The following SLCO2B1 variants were observed in gnomAD, a reference collection of about 807,000 sequenced individuals.
The protein encoded by SLCO2B1 is solute carrier organic anion transporter family member 2B1, also known as OATP-RP2.
SLCO2B1 carries 41 observed loss-of-function variants against 67.3 expected under a neutral mutation model. The observed-to-expected ratio is 0.61, with a 90% CI of 0.47 to 0.79. SLCO2B1 has a LOEUF of 0.79. Among genes scored for constraint, SLCO2B1 ranks in the 30% least tolerant of loss-of-function variants. The pLI, the probability that SLCO2B1 is intolerant of heterozygous loss-of-function variation, is 0.00. For missense variants in SLCO2B1, 837 were observed against 920.1 expected (o/e 0.91, Z 1.17); for synonymous variants, 379 against 381.4 (o/e 0.99, Z 0.07).
chr11:75,151,712 A>G (rs1264377041), intron 1 of SLCO2B1: 7 of 463,134 alleles, frequency 1.5e-5, no homozygotes, highest in Admixed American at 7.3e-5. Context: ...CCCCTCTCAA[A>G]GGAGACAAAG....
intron 10 of SLCO2B1, 59 bp downstream of exon 10, chr11:75,196,738 G>A (rs1945102059): frequency 6.7e-7 from 1 of 1,503,528 alleles, no homozygotes; most frequent in South Asian, 1.2e-5. Flanking sequence ...CCCTGTCTCT[G>A]TGGGCCTGTC....
At chr11:75,155,876 T>C (rs888898871) in intron 1 of SLCO2B1, among the ~76,000 whole-genome samples, 1 of 152,002 alleles carries the variant, frequency 6.6e-6, no homozygotes, top group Non-Finnish European at 1.5e-5. Flanking sequence ...ATTTGGGGAA[T>C]GGCAAGAATC....
intron 3 of SLCO2B1, among the ~76,000 whole-genome samples, chr11:75,164,744 T>C (rs1949866515): frequency 2.6e-5 from 4 of 152,126 alleles, no homozygotes; most frequent in Admixed American, 2.6e-4. Context: ...CCCTTGGTAA[T>C]GTGTCATATT....
At chr11:75,186,445 G>A (rs935212464) in intron 7 of SLCO2B1, among the ~76,000 whole-genome samples, 11 of 152,020 alleles carry the variant, frequency 7.2e-5, no homozygotes, top group Non-Finnish European at 1.3e-4. Context: ...CTGACCTCAG[G>A]TGATCCACTG....
intron 1 of SLCO2B1, among the ~76,000 whole-genome samples, chr11:75,156,052 A>G (rs1949742937): frequency 6.6e-6 from 1 of 152,202 alleles, no homozygotes; most frequent in Non-Finnish European, 1.5e-5. Context: ...TATACCAGGC[A>G]TAGGACATTT....
Position 75,193,140 on chromosome 11 carries a change from T to C in SLCO2B1, c.1076-78T>C. The C allele has an allele frequency of 9.6e-7, 1 of 1,045,906 alleles. No homozygotes were observed. Among genetic ancestry groups the C allele is most frequent in the Non-Finnish European group, 1.4e-6 (1 of 715,164 alleles). 64.8% of individuals were successfully genotyped at this position (1,045,906 alleles called of 1,614,324 possible). ...TTAGAAGAAATGGAACTGCTTGAAC[T>C]GAGCAGGGCAGGAGGGCAGTCTCTG... On this transcript the variant is annotated intron_variant, in intron 8 of 13. Coordinates refer to ENST00000289575, the MANE Select transcript of SLCO2B1 (RefSeq NM_007256.5). The surrounding 1 kb of genome is among the most constrained non-coding windows in gnomAD (Gnocchi z 4.2).
intron 7 of SLCO2B1, among the ~76,000 whole-genome samples, chr11:75,177,438 G>A (rs1317296725): frequency 6.6e-6 from 1 of 152,164 alleles, no homozygotes; most frequent in Non-Finnish European, 1.5e-5. Context: ...GCAGGGACAG[G>A]GCTAGACATG....
In SLCO2B1 at chr11:75,193,366, C is replaced by T. The variant is rs201568662; in HGVS notation, c.1224C>T (p.Tyr408=). Residue 408 remains tyrosine, a synonymous_variant, in exon 9 of 14, where the codon TAC becomes TAT. Coordinates refer to ENST00000289575, the MANE Select transcript of SLCO2B1 (RefSeq NM_007256.5). The surrounding 1 kb of genome is among the most constrained non-coding windows in gnomAD (Gnocchi z 4.2). The part of the protein sequence containing the change: ...LERQFSITAS[Y]ANLLIGCLSF... Reference sequence around the variant, plus strand: ...GCCAGTTTTCCATCACAGCCTCCTACGCCAACCTGCTCATCGGCTGCCTCT... The same window carrying T: ...GCCAGTTTTCCATCACAGCCTCCTATGCCAACCTGCTCATCGGCTGCCTCT... 1.4e-4 allele frequency: 222 copies of T among 1,614,070 alleles called. 1 individual carries two copies. The highest frequency in any genetic ancestry group is 4.9e-4 in the Middle Eastern group (3 of 6,084).
chr11:75,169,071 AATT>A lies in SLCO2B1; in HGVS notation c.449-98_449-96del. 3.0e-6 allele frequency: 3 copies of A among 985,908 alleles called. No homozygotes were observed. The East Asian group carries it at 8.0e-5, about 26-fold the overall frequency. 61.1% of individuals were successfully genotyped at this position (985,908 alleles called of 1,614,324 possible). ...CCCTTGAGGTTTGTTGTGGGGCTCA[AATT>A]ATTTTTATACACAGCACTTAGAACA... is the stretch of plus-strand genomic sequence containing the variant. On this transcript the variant is annotated intron_variant, in intron 4 of 13. Transcript: ENST00000289575.
At chr11:75,201,460 T>C (rs1380059952) in intron 11 of SLCO2B1, 1 of 152,196 alleles carries the variant, frequency 6.6e-6, no homozygotes, top group Non-Finnish European at 1.5e-5. Flanking sequence ...CCCCCAATTC[T>C]ATTCTGACAC....
chr11:75,162,965 G>A lies in SLCO2B1; in HGVS notation c.147+180G>A, dbSNP rs1591810866. 9.0e-6 allele frequency: 6 copies of A among 666,776 alleles called. No homozygotes were observed. In the East Asian group the frequency reaches 1.8e-4, roughly 20 times the overall value. The allele number at this position is 666,776 out of a possible 1,614,324, so 41.3% of individuals were successfully genotyped here. On this transcript the variant is annotated intron_variant, in intron 2 of 13. Transcript: ENST00000289575. The stretch of plus-strand genomic sequence containing the variant: ...CACTCAGCTGGGTTTCGGGCACATG[G>A]AAGGTGGCCAGTACATGTTCGCTCC...
At position 75,193,248 on chromosome 11, in the gene SLCO2B1, G is replaced by A. The variant is rs141975187; in HGVS notation, c.1106G>A (p.Arg369His). ...CCCAGGGTGCTGCTGCAGACCCTACGCCACCCCATCTTCCTGCTGGTGGTC... is the reference window on the plus strand; with the variant it reads ...CCCAGGGTGCTGCTGCAGACCCTACACCACCCCATCTTCCTGCTGGTGGTC... ...VFPRVLLQTLRHPIFLLVVLS... is the reference protein window; with the variant it reads ...VFPRVLLQTLHHPIFLLVVLS... Residue 369 changes from arginine to histidine, a missense_variant, in exon 9 of 14, where the codon CGC becomes CAC. By Grantham distance (29) the Arg-to-His change is conservative. Coordinates refer to ENST00000289575, the MANE Select transcript of SLCO2B1 (RefSeq NM_007256.5). This position sits in a 1 kb window ranked among gnomAD's most constrained non-coding sequence, Gnocchi z 4.2. 2.0e-4 allele frequency: 319 copies of A among 1,613,172 alleles called. 1 individual carries two copies. Among genetic ancestry groups the A allele is most frequent in the Non-Finnish European group, 2.6e-4 (309 of 1,179,856 alleles).
At chr11:75,169,427 T>C in intron 5 of SLCO2B1, 21 bp downstream of exon 5, 2 of 1,555,102 alleles carry the variant, frequency 1.3e-6, no homozygotes, top group Non-Finnish European at 1.7e-6. Context: ...GTGCCATCCC[T>C]TGGCCTCTGA....
intron 4 of SLCO2B1, among the ~76,000 whole-genome samples, chr11:75,166,628 A>G (rs963909602): frequency 2.0e-5 from 3 of 149,244 alleles, no homozygotes; most frequent in African/African-American, 7.4e-5. Flanking sequence ...CCATCGATCC[A>G]TCCACCTACT....
At chr11:75,196,318 C>A (rs753203272) in intron 9 of SLCO2B1, 196 bp from the exon 10 acceptor site, 15 of 582,258 alleles carry the variant, frequency 2.6e-5, no homozygotes, top group Non-Finnish European at 4.3e-5. Flanking sequence ...ATTGAGGGGG[C>A]CTGTCTCCAT....
intron 6 of SLCO2B1, among the ~76,000 whole-genome samples, chr11:75,172,010 A>T (rs1467702580): frequency 6.6e-6 from 1 of 152,220 alleles, no homozygotes; most frequent in Non-Finnish European, 1.5e-5. Flanking sequence ...TTTTCACAAC[A>T]GTCCTATGAT....
At chr11:75,157,597 C>T (rs1210052994) in intron 1 of SLCO2B1, among the ~76,000 whole-genome samples, 1 of 152,134 alleles carries the variant, frequency 6.6e-6, no homozygotes, top group Non-Finnish European at 1.5e-5. Flanking sequence ...GGCCCGATTG[C>T]CTCAGATGTG....
rs1432259037 is a variant in SLCO2B1 at position 75,196,695 on chromosome 11, C to A, written c.1599+16C>A. The stretch of plus-strand genomic sequence containing the variant: ...CAACAGCCAGGTGAGTCAGGCCTCT[C>A]GTGGCAACCTCTGCCCCTCAGGACT... On this transcript the variant is annotated intron_variant, in intron 10 of 13. Transcript: ENST00000289575. 1.9e-6 allele frequency: 3 copies of A among 1,609,378 alleles called. No homozygotes were observed. The South Asian group carries it at 3.3e-5, about 18-fold the overall frequency.
chr11:75,165,145 C>T (rs930786923), intron 3 of SLCO2B1, among the ~76,000 whole-genome samples: 1 of 152,114 alleles, frequency 6.6e-6, no homozygotes, highest in Non-Finnish European at 1.5e-5. Context: ...AAAGGTCAAG[C>T]CTTGGGCCAG....
Sources: allele counts gnomAD v4.1 joint callset (sites outside exome capture counted in the v4.1 genomes callset), GRCh38; gene constraint gnomAD v4.1.1; non-coding constraint Gnocchi (gnomAD v3.1); transcripts MANE v1.5; gene names NCBI Gene and HGNC (gene_info 2026-07-23, HGNC 2026-07-21).